The following PHACTR2 variants were observed in gnomAD, a reference collection of about 807,000 sequenced individuals.
The protein encoded by PHACTR2 is phosphatase and actin regulator 2.
PHACTR2 carries 30 observed loss-of-function variants against 76.0 expected under a neutral mutation model. The observed-to-expected ratio is 0.39, with a 90% CI of 0.30 to 0.54. The LOEUF (loss-of-function observed/expected upper bound fraction) is 0.54. PHACTR2 is among the 20% of genes least tolerant of loss of function. The probability of loss-of-function intolerance (pLI) is 0.61; values close to 1 mark genes in which losing one functional copy is unlikely to be tolerated. For missense variants in PHACTR2, 696 were observed against 781.1 expected, an observed-to-expected ratio of 0.89 and a Z score of 1.30; for synonymous variants, 292 against 292.5, an observed-to-expected ratio of 1.00 and a Z score of 0.02.
rs995389996 is a variant in PHACTR2, at chr6:143,610,222, C to T, written c.13+1900C>T. On this transcript the variant is annotated intron_variant, in intron 1 of 11. Coordinates refer to the PHACTR2 transcript ENST00000305766. This position sits in a 1 kb window ranked among gnomAD's most constrained non-coding sequence, Gnocchi z 4.9. The stretch of plus-strand genomic sequence containing the variant: ...GGAAAATGTAAACATCCATTATATA[C>T]AGACATTTCAATACATTATATTGAC... 4.0e-5 allele frequency among the ~76,000 whole-genome samples: 6 copies of T among 151,728 alleles called. No homozygotes were observed. Among genetic ancestry groups the T allele is most frequent in the African/African-American group, 1.2e-4 (5 of 41,222 alleles).
At chr6:143,674,473 A>AG (rs1315422447), upstream of PHACTR2, among the ~76,000 whole-genome samples, 1 of 152,184 alleles carries the variant, frequency 6.6e-6, no homozygotes, top group Non-Finnish European at 1.5e-5. The surrounding 1 kb of genome is among the most constrained non-coding windows in gnomAD (Gnocchi z 4.9). Flanking sequence ...ACTAATTCAC[A>AG]GGGTGTCTAT....
intron 1 of PHACTR2, among the ~76,000 whole-genome samples, chr6:143,682,769 TTTTTTTGTTTTTTG>T (rs534086127): frequency 6.9e-6 from 1 of 145,976 alleles, no homozygotes; most frequent in Admixed American, 6.9e-5. Context: ...AAAAAAGTTG[TTTTTTTGTTTTTTG>T]TTTTTTGTTT....
chr6:143,718,194 T>C (rs1022441480), intron 2 of PHACTR2, among the ~76,000 whole-genome samples: 7 of 152,306 alleles, frequency 4.6e-5, no homozygotes, highest in Admixed American at 3.3e-4. Flanking sequence ...GTGTACTCCC[T>C]AATAGTAATA....
rs1293097429 is a variant in PHACTR2, at chr6:143,816,760, G to A, written c.1923-6914G>A. Among the ~76,000 whole-genome samples, 1 of 152,078 alleles carries A rather than the reference G, an allele frequency of 6.6e-6. No homozygotes were observed. Among genetic ancestry groups the A allele is most frequent in the Non-Finnish European group, 1.5e-5 (1 of 68,014 alleles). ...ACAGAATACTTTCCAGGATAATATT[G>A]GGCTTTCAAAGATTATCTCTTCTGG... is the stretch of plus-strand genomic sequence containing the variant. On this transcript the variant is annotated intron_variant, in intron 12 of 12. Transcript: ENST00000440869. This position sits in a 1 kb window ranked among gnomAD's most constrained non-coding sequence, Gnocchi z 4.5.
In PHACTR2 at chr6:143,731,039, C is replaced by T. The variant is rs767292803; in HGVS notation, c.215-17946C>T. Among the ~76,000 whole-genome samples, 2 of 152,166 alleles carry T rather than the reference C, an allele frequency of 1.3e-5. No homozygotes were observed. Among genetic ancestry groups the T allele is most frequent in the South Asian group, 2.1e-4 (1 of 4,830 alleles). On this transcript the variant is annotated intron_variant, in intron 2 of 12. Coordinates refer to ENST00000440869, the MANE Select transcript of PHACTR2 (RefSeq NM_001100164.2). This position sits in a 1 kb window ranked among gnomAD's most constrained non-coding sequence, Gnocchi z 4.9. ...CTGAGATTACAGGCGTGAGCCACCA[C>T]GTCCAGCCCAGTTGAAGGTTTTTAT... is the stretch of plus-strand genomic sequence containing the variant.
rs1775151115 is a variant in PHACTR2, at chr6:143,554,947, T to C, written c.217+17740T>C. The stretch of plus-strand genomic sequence containing the variant: ...AGTTGATAAATAATCCTTTGTGGTA[T>C]ATACATTGGAAGTATTTTTCTGCTA... On this transcript the variant is annotated intron_variant, in intron 1 of 11. Coordinates refer to the PHACTR2 transcript ENST00000367584. This position sits in a 1 kb window ranked among gnomAD's most constrained non-coding sequence, Gnocchi z 5.9. 6.6e-6 allele frequency: 1 copy of C among 152,230 alleles called. No individual in the cohort carries two copies. The highest frequency in any genetic ancestry group is 6.5e-5 in the Admixed American group (1 of 15,272). The allele number at this position is 152,230 out of a possible 1,614,324, so 9.4% of individuals were successfully genotyped here. A position where few individuals can be genotyped will look rare whatever the true frequency, so the allele number is the denominator to read the frequency against.
chr6:143,786,920 T>C (rs968978881), intron 10 of PHACTR2, among the ~76,000 whole-genome samples: 15 of 152,154 alleles, frequency 9.9e-5, no homozygotes, highest in Non-Finnish European at 1.5e-4. Context: ...CATTTTTTTT[T>C]CTCAAAGCTC....
Position 143,538,633 on chromosome 6 carries a change from C to T in PHACTR2, c.217+1426C>T, listed in dbSNP as rs190918801. Among the ~76,000 whole-genome samples the T allele has an allele frequency of 5.3e-5, 8 of 152,344 alleles. No individual in the cohort carries two copies. The East Asian group carries it at 1.5e-3, about 29-fold the overall frequency. On this transcript the variant is annotated intron_variant, in intron 1 of 11. Coordinates refer to the PHACTR2 transcript ENST00000367584. ...AGGCCTTCTTTGGGTTCTAACTCAA[C>T]CTCAGCTAAAGCTGAGCTTCCTGTT... is the stretch of plus-strand genomic sequence containing the variant.
intron 1 of PHACTR2, among the ~76,000 whole-genome samples, chr6:143,643,734 T>A (rs1272619888): frequency 6.6e-6 from 1 of 152,232 alleles, no homozygotes. Context: ...ATCAAACCTC[T>A]AGGTATCTTT....
At chr6:143,630,007 C>T (rs1393383559) in intron 1 of PHACTR2, among the ~76,000 whole-genome samples, 1 of 151,998 alleles carries the variant, frequency 6.6e-6, no homozygotes, top group Non-Finnish European at 1.5e-5. Flanking sequence ...CTGTTTTCAT[C>T]TTCTTGTGGT....
intron 10 of PHACTR2, among the ~76,000 whole-genome samples, chr6:143,788,525 T>C (rs1290398955): frequency 6.6e-6 from 1 of 152,178 alleles, no homozygotes; most frequent in Non-Finnish European, 1.5e-5. Context: ...GAAAATAGCA[T>C]AATGCAGGTG....
At chr6:143,721,880 A>G (rs1778451978) in intron 2 of PHACTR2, among the ~76,000 whole-genome samples, 2 of 152,166 alleles carry the variant, frequency 1.3e-5, no homozygotes, top group South Asian at 4.1e-4. Flanking sequence ...CCCTGTGCTC[A>G]TGGAGTCCAC....
intron 1 of PHACTR2, among the ~76,000 whole-genome samples, chr6:143,566,475 T>C (rs1343641813): frequency 6.6e-6 from 1 of 151,666 alleles, no homozygotes; most frequent in Non-Finnish European, 1.5e-5. Context: ...TTGTTGTTGT[T>C]GTTGTTTTGT....
chr6:143,642,914 T>C (rs376541467), intron 1 of PHACTR2, among the ~76,000 whole-genome samples: 14 of 152,346 alleles, frequency 9.2e-5, no homozygotes, highest in East Asian at 5.8e-4. Context: ...ACCCAGTTTA[T>C]GGTACTTTGT....
rs1777286860 is a variant in PHACTR2 at position 143,678,017 on chromosome 6, C to G, written c.-147C>G. On this transcript the variant is annotated 5_prime_UTR_variant, in exon 1 of 13. Coordinates refer to ENST00000440869, the MANE Select transcript of PHACTR2 (RefSeq NM_001100164.2). The surrounding 1 kb of genome is among the most constrained non-coding windows in gnomAD (Gnocchi z 6.2). ...GCTGCGGCCGGCCGGGCTGGGAGAC[C>G]CGCGCGGGGTAGAAGGTGAGGGGAC... 6.8e-7 allele frequency: 1 copy of G among 1,479,646 alleles called. No homozygotes were observed. The highest frequency in any genetic ancestry group is 1.5e-5 in the African/African-American group (1 of 67,794). 91.7% of individuals were successfully genotyped at this position (1,479,646 alleles called of 1,614,324 possible). A position where few individuals can be genotyped will look rare whatever the true frequency, so the allele number is the denominator to read the frequency against.
At position 143,589,044 on chromosome 6, in the gene PHACTR2, CA is replaced by C. The variant is rs1008067018; in HGVS notation, c.217+51841del. On this transcript the variant is annotated intron_variant, in intron 1 of 11. Transcript: ENST00000367584. This position sits in a 1 kb window ranked among gnomAD's most constrained non-coding sequence, Gnocchi z 4.4. ...TATGAGTTTGCTAGAGCTGCCACAA[CA>C]AAATGCCACAGATTGGGTGGCTTAA... Among the ~76,000 whole-genome samples the C allele has an allele frequency of 1.3e-5, 2 of 152,246 alleles. No individual in the cohort carries two copies. Among genetic ancestry groups the C allele is most frequent in the Non-Finnish European group, 2.9e-5 (2 of 68,040 alleles).
chr6:143,781,852 T>A (rs1775440046), intron 9 of PHACTR2, among the ~76,000 whole-genome samples: 1 of 152,232 alleles, frequency 6.6e-6, no homozygotes, highest in Non-Finnish European at 1.5e-5. Context: ...GGATATTAAC[T>A]CATTGTTTCT....
In PHACTR2 at chr6:143,695,273, C is replaced by T. The variant is rs1443323860; in HGVS notation, c.47-16743C>T. ...GGGCATGCAGAAGCTCTTAGCCAAA[C>T]CTCTACACCCTTTAGTTGTGACTCT... On this transcript the variant is annotated intron_variant, in intron 1 of 12. Coordinates refer to ENST00000440869, the MANE Select transcript of PHACTR2 (RefSeq NM_001100164.2). The surrounding 1 kb of genome is among the most constrained non-coding windows in gnomAD (Gnocchi z 4.4). Among the ~76,000 whole-genome samples, 4 of 152,112 alleles carry T rather than the reference C, an allele frequency of 2.6e-5. No individual in the cohort carries two copies. Among genetic ancestry groups the T allele is most frequent in the Non-Finnish European group, 5.9e-5 (4 of 68,018 alleles).
At chr6:143,586,217 GAGA>G (rs947163741) in intron 1 of PHACTR2, among the ~76,000 whole-genome samples, 2 of 146,668 alleles carry the variant, frequency 1.4e-5, no homozygotes, top group Admixed American at 6.8e-5. Context: ...AAAAGAGAGA[GAGA>G]AGGAGAGAGA....
Sources: allele counts gnomAD v4.1 joint callset (sites outside exome capture counted in the v4.1 genomes callset), GRCh38; gene constraint gnomAD v4.1.1; non-coding constraint Gnocchi (gnomAD v3.1); transcripts MANE v1.5; gene names NCBI Gene and HGNC (gene_info 2026-07-23, HGNC 2026-07-21).